The following ZNF536 variants were observed in gnomAD, a reference collection of about 807,000 sequenced individuals.
ZNF536 encodes zinc finger protein 536.
A neutral mutation model predicts 84.5 loss-of-function variants in ZNF536; 13 were observed. That is an observed-to-expected ratio of 0.15 (90% CI 0.10 to 0.24). The LOEUF (loss-of-function observed/expected upper bound fraction) is 0.24, where lower values mean the gene tolerates loss of function less well. Among genes scored for constraint, ZNF536 ranks in the 10% least tolerant of loss-of-function variants. The pLI is 1.00. For synonymous variants in ZNF536, 811 were observed against 742.5 expected, an observed-to-expected ratio of 1.09 and a Z score of -1.50; for missense variants, 1,536 against 1,747.5, an observed-to-expected ratio of 0.88 and a Z score of 2.16.
chr19:30,490,133 T>C (rs1370980455), intron 2 of ZNF536, among the ~76,000 whole-genome samples: 1 of 152,160 alleles, frequency 6.6e-6, no homozygotes, highest in African/African-American at 2.4e-5. Flanking sequence ...AAAGTGCACA[T>C]GATTGGAGGA....
intron 1 of ZNF536, among the ~76,000 whole-genome samples, chr19:30,246,656 G>C (rs2024296766): frequency 6.6e-6 from 1 of 152,180 alleles, no homozygotes; most frequent in Non-Finnish European, 1.5e-5. Flanking sequence ...ACCTTAATGA[G>C]TAACAGAAGT....
intron 1 of ZNF536, among the ~76,000 whole-genome samples, chr19:30,693,113 C>T (rs2051486429): frequency 6.6e-6 from 1 of 151,128 alleles, no homozygotes. Flanking sequence ...GTCGCTTGTC[C>T]CTATGCCTCT....
intron 1 of ZNF536, among the ~76,000 whole-genome samples, chr19:30,585,235 G>A (rs2047055712): frequency 2.0e-5 from 3 of 152,230 alleles, no homozygotes; most frequent in Non-Finnish European, 4.4e-5. Context: ...GACGTTGGTA[G>A]GAACAGAAAG....
chr19:30,443,433 A>G, intron 1 of ZNF536, 128 bp from the exon 2 acceptor site: 2 of 1,323,850 alleles, frequency 1.5e-6, no homozygotes, highest in Non-Finnish European at 2.0e-6. Context: ...ATTGTTTTTG[A>G]CAAGAATTCC....
intron 2 of ZNF536, among the ~76,000 whole-genome samples, chr19:30,495,604 T>C (rs1225267109): frequency 6.6e-6 from 1 of 152,232 alleles, no homozygotes; most frequent in Non-Finnish European, 1.5e-5. Flanking sequence ...ACATGGAGCG[T>C]AGGCCCACAG....
At chr19:30,689,695 G>A (rs190320300) in intron 1 of ZNF536, among the ~76,000 whole-genome samples, 1 of 152,334 alleles carries the variant, frequency 6.6e-6, no homozygotes, top group Non-Finnish European at 1.5e-5. Context: ...GGGGGCAAAT[G>A]CCTTCCTGAG....
chr19:30,442,590 GC>G (rs1448962937), intron 1 of ZNF536, among the ~76,000 whole-genome samples: 8 of 152,120 alleles, frequency 5.3e-5, no homozygotes, highest in Non-Finnish European at 1.5e-5. Flanking sequence ...GATGGGAAGA[GC>G]CCCATTATAA....
intron 1 of ZNF536, among the ~76,000 whole-genome samples, chr19:30,671,074 T>C (rs2050534174): frequency 2.0e-5 from 3 of 152,224 alleles, no homozygotes; most frequent in African/African-American, 4.8e-5. Flanking sequence ...CACGTGCTTC[T>C]GCATGTGAGG....
At chr19:30,697,873 C>T (rs1008229233) in intron 1 of ZNF536, among the ~76,000 whole-genome samples, 8 of 152,212 alleles carry the variant, frequency 5.3e-5, no homozygotes, top group African/African-American at 1.9e-4. Flanking sequence ...GGTTCTGTGA[C>T]TTTGGAAGCA....
chr19:30,291,004 C>A (rs1158778330), intron 2 of ZNF536, among the ~76,000 whole-genome samples: 1 of 152,176 alleles, frequency 6.6e-6, no homozygotes, highest in African/African-American at 2.4e-5. Context: ...CATGTCCCTG[C>A]AAAGGACATG....
At chr19:30,606,415 A>C (rs139256956) in intron 1 of ZNF536, among the ~76,000 whole-genome samples, 2,570 of 152,172 alleles carry the variant, frequency 0.017, 94 homozygotes, top group Admixed American at 0.089. Flanking sequence ...GTCACGGGCA[A>C]CCCATAACCT....
intron 1 of ZNF536, among the ~76,000 whole-genome samples, chr19:30,687,665 CAG>C (rs199715356): frequency 0.015 from 2,297 of 152,242 alleles, 30 homozygotes; most frequent in South Asian, 0.024. Flanking sequence ...GTCAGGGAAA[CAG>C]GGAGACTTCA....
chr19:30,431,177 A>G (rs1193455525), intron 1 of ZNF536, among the ~76,000 whole-genome samples: 1 of 152,082 alleles, frequency 6.6e-6, no homozygotes, highest in Non-Finnish European at 1.5e-5. Flanking sequence ...GAGATGGGCC[A>G]CCTGCAGCCA....
At chr19:30,289,975 A>G (rs1172005672) in intron 2 of ZNF536, among the ~76,000 whole-genome samples, 1 of 152,178 alleles carries the variant, frequency 6.6e-6, no homozygotes, top group Non-Finnish European at 1.5e-5. Context: ...ACCACCTCCC[A>G]TCTCTAGAAC....
intron 2 of ZNF536, among the ~76,000 whole-genome samples, chr19:30,342,716 T>TA (rs2047602209): frequency 6.6e-6 from 1 of 152,104 alleles, no homozygotes; most frequent in South Asian, 2.1e-4. Flanking sequence ...CTTATGAAAA[T>TA]AAAAACAACC....
In ZNF536 at chr19:30,413,276, A is replaced by AC. The variant is rs766853800; in HGVS notation, c.-2-30279dup. On this transcript the variant is annotated intron_variant, in intron 1 of 4. Transcript: ENST00000355537. ...TACTTTCATCAGGTGTATTTTTATTACCCCCCTCCCTAGTTTATGGAATTG... is the reference window on the plus strand; with the variant it reads ...TACTTTCATCAGGTGTATTTTTATTACCCCCCCTCCCTAGTTTATGGAATTG... Among the ~76,000 whole-genome samples, 16 of 151,316 alleles carry AC rather than the reference A, an allele frequency of 1.1e-4. No individual in the cohort carries two copies. The East Asian group carries it at 2.9e-3, about 28-fold the overall frequency.
At chr19:30,625,723 A>T (rs1364986124) in intron 1 of ZNF536, among the ~76,000 whole-genome samples, 1 of 152,222 alleles carries the variant, frequency 6.6e-6, no homozygotes, top group Non-Finnish European at 1.5e-5. Flanking sequence ...TTCTGGACAG[A>T]AACAGTAACC....
At chr19:30,301,206 T>C (rs1241499696) in intron 2 of ZNF536, among the ~76,000 whole-genome samples, 2 of 152,072 alleles carry the variant, frequency 1.3e-5, no homozygotes, top group Admixed American at 6.6e-5. Context: ...GACGTGCGGG[T>C]TCTCAGCATA....
intron 1 of ZNF536, among the ~76,000 whole-genome samples, chr19:30,405,548 G>C (rs2050229013): frequency 6.6e-6 from 1 of 152,108 alleles, no homozygotes; most frequent in South Asian, 2.1e-4. Context: ...CATCAGACCA[G>C]AGTCTTCCAG....
Sources: gnomAD v4.1 joint callset for allele counts (sites outside exome capture counted in the v4.1 genomes callset) on GRCh38, gnomAD v4.1.1 for gene constraint, MANE v1.5 for transcripts, NCBI Gene and HGNC (gene_info 2026-07-23, HGNC 2026-07-21) for gene names.